Variants in CHRM3 observed in about 807,000 individuals in gnomAD.
CHRM3 encodes cholinergic receptor muscarinic 3, also known as muscarinic acetylcholine receptor M3.
CHRM3 carries 11 observed loss-of-function variants against 41.8 expected under a neutral mutation model. That is an observed-to-expected ratio of 0.26 (90% CI 0.17 to 0.44). The LOEUF is 0.44. Ranked by LOEUF, CHRM3 falls within the 20% of genes least tolerant of loss-of-function variation. The pLI, the probability that CHRM3 is intolerant of heterozygous loss-of-function variation, is 1.00. For missense variants in CHRM3, 571 were observed against 745.4 expected, an observed-to-expected ratio of 0.77 and a Z score of 2.72; for synonymous variants, 297 against 301.4, an observed-to-expected ratio of 0.99 and a Z score of 0.15.
chr1:239,601,743 T>C (rs1665563656), intron 3 of CHRM3, among the ~76,000 whole-genome samples: 1 of 152,196 alleles, frequency 6.6e-6, no homozygotes, highest in Admixed American at 6.5e-5. Flanking sequence ...CTTGCTCTGC[T>C]TCTGTGGCTG....
chr1:239,516,106 C>G (rs1265131691), intron 2 of CHRM3, among the ~76,000 whole-genome samples: 1 of 151,892 alleles, frequency 6.6e-6, no homozygotes, highest in Non-Finnish European at 1.5e-5. Flanking sequence ...TTTTTTTGTG[C>G]TTACTTGCAA....
intron 6 of CHRM3, among the ~76,000 whole-genome samples, chr1:239,833,949 T>G (rs1397285889): frequency 1.3e-5 from 2 of 152,172 alleles, no homozygotes; most frequent in Admixed American, 6.5e-5. Flanking sequence ...TTTTTCTTCT[T>G]GACAAAGAGC....
chr1:239,737,188 AT>A (rs1321766345), intron 5 of CHRM3, among the ~76,000 whole-genome samples: 1 of 152,190 alleles, frequency 6.6e-6, no homozygotes, highest in East Asian at 1.9e-4. Flanking sequence ...TCATCAGGGC[AT>A]ATTTATTAGA....
At chr1:239,439,160 T>G (rs904168169) in intron 1 of CHRM3, among the ~76,000 whole-genome samples, 2 of 152,176 alleles carry the variant, frequency 1.3e-5, no homozygotes, top group Non-Finnish European at 2.9e-5. Context: ...GGCCAGAGAT[T>G]CCTCTGAAGG....
At chr1:239,475,196 C>A (rs1666387315) in intron 1 of CHRM3, among the ~76,000 whole-genome samples, 1 of 151,950 alleles carries the variant, frequency 6.6e-6, no homozygotes, top group African/African-American at 2.4e-5. Context: ...GAAGAACAAA[C>A]CATCCATGTT....
chr1:239,642,748 A>G (rs938765085), intron 4 of CHRM3, among the ~76,000 whole-genome samples: 3 of 152,108 alleles, frequency 2.0e-5, no homozygotes, highest in Non-Finnish European at 4.4e-5. Flanking sequence ...GATCATCTGA[A>G]GCCTTCTTCT....
intron 1 of CHRM3, among the ~76,000 whole-genome samples, chr1:239,488,068 T>C (rs974142929): frequency 6.6e-6 from 1 of 152,174 alleles, no homozygotes; most frequent in Non-Finnish European, 1.5e-5. Context: ...AGTTTGTTAA[T>C]GCCCAGTATA....
chr1:239,681,797 G>A (rs1469362159), intron 5 of CHRM3, among the ~76,000 whole-genome samples: 5 of 152,092 alleles, frequency 3.3e-5, no homozygotes, highest in African/African-American at 1.2e-4. Context: ...TACTTGGGAG[G>A]CTGAGGTGGG....
rs551406697 is a variant in CHRM3, at chr1:239,882,871, A to G, written c.-19-24562A>G. Among the ~76,000 whole-genome samples, 6 of 152,358 alleles carry G rather than the reference A, an allele frequency of 3.9e-5. No homozygotes were observed. The East Asian group carries it at 1.2e-3, about 29-fold the overall frequency. ...CTGCCCAGCACGCAGTGGGTGTTCA[A>G]TAAACCTATGAAGAAGTGAAATTGA... On this transcript the variant is annotated intron_variant, in intron 6 of 6. Coordinates refer to ENST00000676153, the MANE Select transcript of CHRM3 (RefSeq NM_001375978.1).
intron 6 of CHRM3, among the ~76,000 whole-genome samples, chr1:239,870,470 G>T (rs939080147): frequency 1.3e-5 from 2 of 152,184 alleles, no homozygotes; most frequent in African/African-American, 4.8e-5. Context: ...CCCTTCCCGG[G>T]AGCGCTAGAC....
At chr1:239,834,864 C>T (rs901879896) in intron 6 of CHRM3, among the ~76,000 whole-genome samples, 3 of 152,082 alleles carry the variant, frequency 2.0e-5, no homozygotes, top group Non-Finnish European at 4.4e-5. Flanking sequence ...ACTGGGTACA[C>T]CTTGAATATA....
intron 6 of CHRM3, among the ~76,000 whole-genome samples, chr1:239,844,908 G>C (rs776683952): frequency 1.1e-4 from 17 of 152,104 alleles, no homozygotes; most frequent in Non-Finnish European, 2.1e-4. Context: ...AGGAGAAGAC[G>C]GCCAGAACTT....
chr1:239,828,836 T>C (rs1264210989), intron 6 of CHRM3, among the ~76,000 whole-genome samples: 6 of 152,302 alleles, frequency 3.9e-5, no homozygotes, highest in Admixed American at 3.9e-4. Flanking sequence ...CTGCCTGCTG[T>C]GCGGATAGCG....
At chr1:239,759,158 T>G (rs1001880780) in intron 5 of CHRM3, among the ~76,000 whole-genome samples, 14 of 128,208 alleles carry the variant, frequency 1.1e-4, no homozygotes, top group Non-Finnish European at 1.7e-4. Flanking sequence ...GCTTTATGGG[T>G]TTTTTTTTTT....
At position 239,785,882 on chromosome 1, in the gene CHRM3, G is replaced by A. The variant is rs138564118; in HGVS notation, c.-146-41370G>A. On this transcript the variant is annotated intron_variant, in intron 5 of 6. Transcript: ENST00000676153. ...ATATTTAGGAGCCTTTCCTAAGGAA[G>A]GGACCAGAATTATTTTCTTTATGTA... Among the ~76,000 whole-genome samples the A allele has an allele frequency of 8.6e-3, 1,315 of 152,238 alleles. 22 individuals carry two copies. The highest frequency in any genetic ancestry group is 0.031 in the African/African-American group (1,273 of 41,548).
At chr1:239,837,269 G>A (rs189388628) in intron 6 of CHRM3, among the ~76,000 whole-genome samples, 1 of 152,130 alleles carries the variant, frequency 6.6e-6, no homozygotes, top group African/African-American at 2.4e-5. Context: ...TGATACATCT[G>A]ACACATCCTT....
chr1:239,564,398 T>G (rs182699336), intron 3 of CHRM3, among the ~76,000 whole-genome samples: 1 of 152,234 alleles, frequency 6.6e-6, no homozygotes, highest in Admixed American at 6.5e-5. Context: ...TAAAATTATA[T>G]CTAGAGGGAG....
At chr1:239,543,995 T>C (rs995555779) in intron 2 of CHRM3, among the ~76,000 whole-genome samples, 1 of 152,232 alleles carries the variant, frequency 6.6e-6, no homozygotes, top group African/African-American at 2.4e-5. Flanking sequence ...GAATTTCAAA[T>C]AATTCGCACA....
chr1:239,707,759 A>G (rs776113856), intron 5 of CHRM3: 1 of 152,266 alleles, frequency 6.6e-6, no homozygotes, highest in Non-Finnish European at 1.5e-5. Flanking sequence ...TCTGTTGAGG[A>G]TCTGGAAAAG....
Sources: gnomAD v4.1 joint callset for allele counts (sites outside exome capture counted in the v4.1 genomes callset) on GRCh38, gnomAD v4.1.1 for gene constraint, MANE v1.5 for transcripts, NCBI Gene and HGNC (gene_info 2026-07-23, HGNC 2026-07-21) for gene names.